DYNLT2B: variants seen among roughly 807,000 people sequenced by gnomAD.
DYNLT2B encodes the protein dynein light chain Tctex-type protein 2B.
Under a neutral mutation model 19.5 loss-of-function variants are expected in DYNLT2B, and 14 were observed. That is an observed-to-expected ratio of 0.72 (90% CI 0.47 to 1.12). The LOEUF is 1.12. Ranked by LOEUF, DYNLT2B falls within the 50% of genes most tolerant of loss-of-function variation. The probability of loss-of-function intolerance (pLI) is 0.00; values close to 1 mark genes in which losing one functional copy is unlikely to be tolerated. For missense variants in DYNLT2B, 133 were observed against 174.7 expected (o/e 0.76, Z 1.35); for synonymous variants, 70 against 59.7 (o/e 1.17, Z -0.79).
At chr3:196,318,015 C>T (rs774374419) in intron 1 of DYNLT2B, 25 bp downstream of exon 1, 1 of 1,427,478 alleles carries the variant, frequency 7.0e-7, no homozygotes, top group Non-Finnish European at 9.3e-7. Flanking sequence ...CGAGGTCGCC[C>T]CGCCACAGCC....
At chr3:196,292,576 A>C (rs1726117528) in intron 4 of DYNLT2B, 1 of 152,216 alleles carries the variant, frequency 6.6e-6, no homozygotes, top group African/African-American at 2.4e-5. Context: ...TCTTAGATTC[A>C]CTGCACAGAA....
At position 196,306,929 on chromosome 3, in the gene DYNLT2B, A is replaced by C; in HGVS notation, c.317+14T>G. On this transcript the variant is annotated intron_variant, in intron 3 of 4. Coordinates refer to ENST00000325318, the MANE Select transcript of DYNLT2B (RefSeq NM_152773.5). ...ATAGATGACTAAAACAAGAAGGAAA[A>C]TCCAGCTACTCACAATACTCCTTCA... 6.2e-7 allele frequency: 1 copy of C among 1,610,752 alleles called. No homozygotes were observed. Among genetic ancestry groups the C allele is most frequent in the Non-Finnish European group, 8.5e-7 (1 of 1,177,158 alleles).
intron 3 of DYNLT2B, among the ~76,000 whole-genome samples, chr3:196,301,076 A>G (rs1436423300): frequency 6.6e-6 from 1 of 152,046 alleles, no homozygotes; most frequent in Non-Finnish European, 1.5e-5. Context: ...GAAAAAAAAA[A>G]GGGATGAATT....
intron 3 of DYNLT2B, among the ~76,000 whole-genome samples, chr3:196,305,102 TG>T (rs1726452393): frequency 6.6e-6 from 1 of 152,016 alleles, no homozygotes; most frequent in Admixed American, 6.6e-5. Context: ...CAGGCTGGTC[TG>T]GAACTCCTGG....
At chr3:196,299,714 G>A (rs1042941258) in intron 3 of DYNLT2B, among the ~76,000 whole-genome samples, 5 of 151,838 alleles carry the variant, frequency 3.3e-5, no homozygotes, top group Non-Finnish European at 5.9e-5. Flanking sequence ...GGCGGATCAC[G>A]AGGTCAGGAG....
intron 3 of DYNLT2B, among the ~76,000 whole-genome samples, chr3:196,300,949 C>T (rs1432436425): frequency 2.0e-5 from 3 of 151,506 alleles, no homozygotes; most frequent in Non-Finnish European, 4.4e-5. Context: ...GTCCCAGCTA[C>T]TTGGGAGGCT....
At chr3:196,302,701 T>G (rs1032849529) in intron 3 of DYNLT2B, among the ~76,000 whole-genome samples, 6 of 152,136 alleles carry the variant, frequency 3.9e-5, no homozygotes, top group African/African-American at 1.4e-4. Flanking sequence ...CAGTGTGGGC[T>G]GCACACGATG....
intron 3 of DYNLT2B, among the ~76,000 whole-genome samples, chr3:196,299,341 T>C (rs1303202384): frequency 6.6e-6 from 1 of 152,012 alleles, no homozygotes; most frequent in Admixed American, 6.6e-5. Flanking sequence ...GGCCTCGGCC[T>C]CCCAAAGTGC....
At chr3:196,308,082 G>GAAAA (rs201886079) in intron 2 of DYNLT2B, among the ~76,000 whole-genome samples, 1 of 109,010 alleles carries the variant, frequency 9.2e-6, no homozygotes, top group Non-Finnish European at 1.8e-5. Flanking sequence ...ACTCCATCTC[G>GAAAA]AAAAAAAAAA....
chr3:196,307,004 A>T lies in DYNLT2B; in HGVS notation c.256T>A (p.Phe86Ile). ...NIKDKLKEMG[F>I]DRYKMVVQVV... The stretch of plus-strand genomic sequence containing the variant: ...TGCACCACCATTTTGTATCGGTCAA[A>T]TCCCATTTCTAGAAAGAAAAAATAA... Residue 86 changes from phenylalanine to isoleucine, a missense_variant, in exon 3 of 5, where the codon TTT (phenylalanine) becomes ATT (isoleucine). By Grantham distance (21) the Phe-to-Ile change is conservative. Coordinates refer to ENST00000325318, the MANE Select transcript of DYNLT2B (RefSeq NM_152773.5). The T allele has an allele frequency of 1.9e-6, 3 of 1,613,914 alleles. No homozygotes were observed. Among genetic ancestry groups the T allele is most frequent in the Non-Finnish European group, 2.5e-6 (3 of 1,179,838 alleles).
At chr3:196,296,344 C>T (rs929471584) in intron 3 of DYNLT2B, 2 of 298,638 alleles carry the variant, frequency 6.7e-6, no homozygotes, top group Non-Finnish European at 6.2e-6. Context: ...GGGATCAATA[C>T]TAGAGATTTG....
At chr3:196,310,935 C>T (rs539129458) in intron 2 of DYNLT2B, among the ~76,000 whole-genome samples, 118 of 152,076 alleles carry the variant, frequency 7.8e-4, no homozygotes, top group African/African-American at 2.7e-3. Context: ...GAGGTTTCAC[C>T]ATGTTGCCCA....
chr3:196,298,895 C>A (rs778610542), intron 3 of DYNLT2B, among the ~76,000 whole-genome samples: 5 of 151,996 alleles, frequency 3.3e-5, no homozygotes, highest in African/African-American at 4.8e-5. Context: ...GCAGTCTTTA[C>A]TTTTTAAAAT....
intron 3 of DYNLT2B, among the ~76,000 whole-genome samples, chr3:196,300,640 A>C (rs1295856124): frequency 2.0e-5 from 3 of 150,950 alleles, no homozygotes; most frequent in Non-Finnish European, 3.0e-5. Flanking sequence ...GAGGCAGGAG[A>C]ATCACTTGAA....
intron 1 of DYNLT2B, 31 bp from the exon 2 acceptor site, chr3:196,316,262 G>A (rs375155559): frequency 5.0e-5 from 80 of 1,585,844 alleles, no homozygotes; most frequent in Non-Finnish European, 6.3e-5. Flanking sequence ...ACATCCAGTC[G>A]GTGACTCCAC....
At chr3:196,291,463 A>C in intron 4 of DYNLT2B, 89 bp from the exon 5 acceptor site, 1 of 1,361,064 alleles carries the variant, frequency 7.3e-7, no homozygotes, top group Non-Finnish European at 1.0e-6. Flanking sequence ...AACTAACACC[A>C]TCTCAGATCT....
chr3:196,306,579 T>C (rs1726494084), intron 3 of DYNLT2B, among the ~76,000 whole-genome samples: 1 of 152,144 alleles, frequency 6.6e-6, no homozygotes, highest in Admixed American at 6.6e-5. Context: ...GACAGAGTCT[T>C]ACTCTGTCAC....
rs1270567437 is a variant in DYNLT2B at position 196,296,024 on chromosome 3, A to C, written c.363T>G (p.Thr121=). 6.2e-7 allele frequency: 1 copy of C among 1,613,810 alleles called. No individual in the cohort carries two copies. The highest frequency in any genetic ancestry group is 2.2e-5 in the East Asian group (1 of 44,864). Residue 121 remains threonine (T), a synonymous_variant, in exon 4 of 5, where the codon ACT becomes ACG. Transcript: ENST00000325318. The part of the protein sequence containing the change: ...CFWDADTDNY[T]HDVFMNDSLF... ...CACTTACATTCATGAAAACATCATGAGTATAGTTGTCAGTGTCAGCATCCC... is the reference window on the plus strand; with the variant it reads ...CACTTACATTCATGAAAACATCATGCGTATAGTTGTCAGTGTCAGCATCCC...
intron 3 of DYNLT2B, among the ~76,000 whole-genome samples, chr3:196,305,457 G>T (rs1560189601): frequency 1.3e-5 from 2 of 152,062 alleles, no homozygotes; most frequent in Non-Finnish European, 1.5e-5. Context: ...AAACTCTACA[G>T]GACAAACAAA....
Sources: gnomAD v4.1 joint callset for allele counts (sites outside exome capture counted in the v4.1 genomes callset) on GRCh38, gnomAD v4.1.1 for gene constraint, MANE v1.5 for transcripts, NCBI Gene and HGNC (gene_info 2026-07-23, HGNC 2026-07-21) for gene names.